The following CTNNB1 variants were observed in gnomAD, a reference collection of about 807,000 sequenced individuals.
CTNNB1 encodes the protein catenin beta 1.
CTNNB1 carries 6 observed loss-of-function variants against 82.5 expected under a neutral mutation model. That is an observed-to-expected ratio of 0.07 (90% confidence interval 0.04 to 0.14). The LOEUF (loss-of-function observed/expected upper bound fraction) is 0.14, where lower values mean the gene tolerates loss of function less well. CTNNB1 is among the 10% of genes least tolerant of loss of function. The pLI is 1.00. For synonymous variants in CTNNB1, 312 were observed against 329.7 expected, an observed-to-expected ratio of 0.95 and a Z score of 0.58; for missense variants, 529 against 980.4, an observed-to-expected ratio of 0.54 and a Z score of 6.15.
At chr3:41,221,009 T>C (rs931531482) in intron 1 of CTNNB1, 1 of 152,178 alleles carries the variant, frequency 6.6e-6, no homozygotes, top group African/African-American at 2.4e-5. Flanking sequence ...GAAGTATCCT[T>C]GTAGTTGGAA....
intron 1 of CTNNB1, among the ~76,000 whole-genome samples, chr3:41,216,153 T>C (rs776867965): frequency 3.9e-5 from 6 of 152,204 alleles, no homozygotes; most frequent in Admixed American, 1.3e-4. Flanking sequence ...TCTTGTGATA[T>C]GAGGAATGAT....
intron 1 of CTNNB1, among the ~76,000 whole-genome samples, chr3:41,219,946 A>G (rs569617876): frequency 6.6e-6 from 1 of 152,198 alleles, no homozygotes; most frequent in Non-Finnish European, 1.5e-5. Flanking sequence ...AGATGATAAT[A>G]TTTTATAATA....
intron 1 of CTNNB1, among the ~76,000 whole-genome samples, chr3:41,223,383 TTATAA>T (rs2078097876): frequency 6.6e-6 from 1 of 152,196 alleles, no homozygotes; most frequent in African/African-American, 2.4e-5. Context: ...ATATTTGTAT[TTATAA>T]TAAATCATTG....
intron 1 of CTNNB1, among the ~76,000 whole-genome samples, chr3:41,217,680 T>C (rs988003510): frequency 7.9e-5 from 12 of 152,360 alleles, no homozygotes; most frequent in African/African-American, 2.6e-4. Context: ...TTTCTGCTAG[T>C]TTCACCATAT....
chr3:41,235,666 G>A (rs1409719723), intron 10 of CTNNB1, 58 bp from the exon 11 acceptor site: 1 of 1,610,786 alleles, frequency 6.2e-7, no homozygotes, highest in African/African-American at 1.3e-5. Context: ...TCTAATAATT[G>A]TTCCTCAAAC....
intron 9 of CTNNB1, 125 bp downstream of exon 9, chr3:41,233,992 T>C: frequency 7.0e-7 from 1 of 1,420,028 alleles, no homozygotes; most frequent in Non-Finnish European, 9.9e-7. Flanking sequence ...AAGTAGGAAG[T>C]ATGGCTGCGA....
intron 1 of CTNNB1, among the ~76,000 whole-genome samples, chr3:41,212,087 A>G (rs2077806460): frequency 6.6e-6 from 1 of 152,102 alleles, no homozygotes. Context: ...TGAAGCCTTC[A>G]TGGCTGATGT....
At chr3:41,219,860 GAAT>G (rs2078001074) in intron 1 of CTNNB1, among the ~76,000 whole-genome samples, 1 of 152,134 alleles carries the variant, frequency 6.6e-6, no homozygotes, top group African/African-American at 2.4e-5. Flanking sequence ...AGCATTGTTG[GAAT>G]AATAGACAAA....
chr3:41,214,432 G>T (rs2077868267), intron 1 of CTNNB1, among the ~76,000 whole-genome samples: 1 of 151,490 alleles, frequency 6.6e-6, no homozygotes, highest in South Asian at 2.1e-4. Flanking sequence ...TGCATATGTT[G>T]TGGCTGAATT....
intron 1 of CTNNB1, among the ~76,000 whole-genome samples, chr3:41,212,405 C>T (rs1335145410): frequency 6.6e-6 from 1 of 152,140 alleles, no homozygotes; most frequent in Non-Finnish European, 1.5e-5. Context: ...CCACTTATCA[C>T]TCTCATCCCA....
Position 41,224,022 on chromosome 3 carries a change from G to A in CTNNB1, c.-47G>A, listed in dbSNP as rs1489183773. On this transcript the variant is annotated splice_region_variant and 5_prime_UTR_variant, in exon 2 of 15. Transcript: ENST00000349496. ...TGACTTTTGATTAACTTTTTTTAGG[G>A]TATTTGAAGTATACCATACAACTGT... 2.5e-6 allele frequency: 4 copies of A among 1,602,450 alleles called. No homozygotes were observed. Among genetic ancestry groups the A allele is most frequent in the Non-Finnish European group, 3.4e-6 (4 of 1,169,630 alleles).
At chr3:41,227,853 T>C (rs1401122222) in intron 7 of CTNNB1, among the ~76,000 whole-genome samples, 1 of 152,128 alleles carries the variant, frequency 6.6e-6, no homozygotes, top group Non-Finnish European at 1.5e-5. Context: ...TTGTACCCAA[T>C]AGGTAGTTTT....
At chr3:41,215,967 CCT>C (rs1263556966) in intron 1 of CTNNB1, among the ~76,000 whole-genome samples, 1 of 152,032 alleles carries the variant, frequency 6.6e-6, no homozygotes, top group East Asian at 1.9e-4. Flanking sequence ...TTGGCTAACC[CCT>C]GTCTTTCATT....
At chr3:41,214,408 G>A (rs1409346199) in intron 1 of CTNNB1, among the ~76,000 whole-genome samples, 16 of 138,672 alleles carry the variant, frequency 1.2e-4, no homozygotes, top group African/African-American at 3.7e-4. Flanking sequence ...AAAAAAAAAA[G>A]ATTTTAAAAA....
At chr3:41,207,624 C>T (rs948156334) in intron 1 of CTNNB1, among the ~76,000 whole-genome samples, 9 of 152,318 alleles carry the variant, frequency 5.9e-5, no homozygotes, top group African/African-American at 1.9e-4. Context: ...TTTAGTTACA[C>T]TGGCTCTTCT....
At chr3:41,235,692 G>T (rs1262134914) in intron 10 of CTNNB1, 32 bp from the exon 11 acceptor site, 2 of 1,614,002 alleles carry the variant, frequency 1.2e-6, no homozygotes, top group Non-Finnish European at 1.7e-6. Context: ...AGAGGAGAAT[G>T]CCCTGTTTGT....
At chr3:41,226,120 A>C (rs898834048) in intron 6 of CTNNB1, among the ~76,000 whole-genome samples, 1 of 151,688 alleles carries the variant, frequency 6.6e-6, no homozygotes, top group African/African-American at 2.4e-5. Context: ...CTCCTATGAG[A>C]CTCTCATGGT....
rs1336814167 is a variant in CTNNB1 at position 41,239,353 on chromosome 3, A to G, written c.*11A>G. The stretch of plus-strand genomic sequence containing the variant: ...GATACTGACCTGTAAATCATCCTTT[A>G]GGTAAGAAGTTTTAAAAAGCCAGTT... On this transcript the variant is annotated 3_prime_UTR_variant, in exon 15 of 15. Transcript: ENST00000349496. 3 of 1,612,364 alleles carry G rather than the reference A, an allele frequency of 1.9e-6. No homozygotes were observed. The highest frequency in any genetic ancestry group is 2.5e-6 in the Non-Finnish European group (3 of 1,178,988).
chr3:41,200,826 T>C (rs954843012), intron 1 of CTNNB1, among the ~76,000 whole-genome samples: 2 of 152,218 alleles, frequency 1.3e-5, no homozygotes, highest in Non-Finnish European at 1.5e-5. Flanking sequence ...TTCTCTTCCC[T>C]TTTGGAGGGA....
Sources: gnomAD v4.1 joint callset for allele counts (sites outside exome capture counted in the v4.1 genomes callset) on GRCh38, gnomAD v4.1.1 for gene constraint, MANE v1.5 for transcripts, NCBI Gene and HGNC (gene_info 2026-07-23, HGNC 2026-07-21) for gene names.